Variants in SUSD4 observed in about 807,000 individuals in gnomAD.
SUSD4 encodes the protein sushi domain-containing protein 4.
In SUSD4, 41 loss-of-function variants were observed where a neutral mutation model predicts 50.5. That is an observed-to-expected ratio of 0.81 (90% CI 0.63 to 1.05). The LOEUF is 1.05. Among genes scored for constraint, SUSD4 ranks in the 50% least tolerant of loss-of-function variants. The probability of loss-of-function intolerance (pLI) is 0.00; values close to 1 mark genes in which losing one functional copy is unlikely to be tolerated. For synonymous variants in SUSD4, 257 were observed against 257.3 expected (o/e 1.00, Z 0.01); for missense variants, 580 against 634.7 (o/e 0.91, Z 0.93).
chr1:223,317,851 C>CTTTTTTTTTTT (rs1172641015), intron 2 of SUSD4, among the ~76,000 whole-genome samples: 14 of 100,746 alleles, frequency 1.4e-4, no homozygotes, highest in African/African-American at 1.9e-4. Context: ...TTTTTTTTTT[C>CTTTTTTTTTTT]TTTTTTTTTT....
rs1659870281 is a variant in SUSD4, at chr1:223,231,137, A to T, written c.725-1749T>A. Among the ~76,000 whole-genome samples the T allele has an allele frequency of 2.0e-5, 3 of 152,010 alleles. No individual in the cohort carries two copies. Among genetic ancestry groups the T allele is most frequent in the African/African-American group, 7.3e-5 (3 of 41,370 alleles). Reference sequence around the variant, plus strand: ...TGGAGGTCTATCCCGCGGGAACTGGAGCCCGGGGAAACTCAGACCCCGCTG... The same window carrying T: ...TGGAGGTCTATCCCGCGGGAACTGGTGCCCGGGGAAACTCAGACCCCGCTG... On this transcript the variant is annotated intron_variant, in intron 5 of 8. Coordinates refer to ENST00000366878, the MANE Select transcript of SUSD4 (RefSeq NM_017982.4). The surrounding 1 kb of genome is among the most constrained non-coding windows in gnomAD (Gnocchi z 4.2).
chr1:223,246,168 C>A (rs1221886835), intron 5 of SUSD4, among the ~76,000 whole-genome samples: 1 of 151,880 alleles, frequency 6.6e-6, no homozygotes, highest in Non-Finnish European at 1.5e-5. Flanking sequence ...CCTACAGGGA[C>A]GAAAAAGATG....
chr1:223,284,117 A>T (rs931797033), intron 3 of SUSD4, among the ~76,000 whole-genome samples: 2 of 151,834 alleles, frequency 1.3e-5, no homozygotes, highest in Non-Finnish European at 2.9e-5. Flanking sequence ...GCATTAGGAG[A>T]TATACCCGAT....
chr1:223,235,105 A>G, intron 5 of SUSD4: 1 of 1,594,596 alleles, frequency 6.3e-7, no homozygotes, highest in Non-Finnish European at 8.5e-7. Flanking sequence ...TTCCTCCTGA[A>G]AAAAAGAAGT....
At chr1:223,294,560 G>A (rs1042608521) in intron 2 of SUSD4, among the ~76,000 whole-genome samples, 4 of 152,212 alleles carry the variant, frequency 2.6e-5, no homozygotes, top group Non-Finnish European at 5.9e-5. Flanking sequence ...CATGGCACTG[G>A]CAGGATGTCC....
At chr1:223,302,469 C>A (rs1558231255) in intron 2 of SUSD4, among the ~76,000 whole-genome samples, 1 of 152,146 alleles carries the variant, frequency 6.6e-6, no homozygotes, top group Non-Finnish European at 1.5e-5. Flanking sequence ...CGTGCCCTTG[C>A]CACCAATGTC....
chr1:223,287,480 G>A (rs1210283654), intron 3 of SUSD4, among the ~76,000 whole-genome samples: 1 of 152,088 alleles, frequency 6.6e-6, no homozygotes, highest in Non-Finnish European at 1.5e-5. Context: ...GCCAACTACA[G>A]AGGAAGAATT....
chr1:223,248,790 C>T (rs948634623), intron 5 of SUSD4, among the ~76,000 whole-genome samples: 2 of 151,912 alleles, frequency 1.3e-5, no homozygotes, highest in African/African-American at 2.4e-5. Context: ...TGAGTCACTA[C>T]GTTAGGATGT....
chr1:223,271,141 T>G (rs1013151294), intron 3 of SUSD4, among the ~76,000 whole-genome samples: 1 of 152,228 alleles, frequency 6.6e-6, no homozygotes, highest in African/African-American at 2.4e-5. Context: ...ATTTACACAT[T>G]GAAACAACTA....
At chr1:223,334,511 G>A (rs1667349773) in intron 2 of SUSD4, among the ~76,000 whole-genome samples, 1 of 152,102 alleles carries the variant, frequency 6.6e-6, no homozygotes, top group African/African-American at 2.4e-5. Context: ...AATAAATGAA[G>A]AGACCCCATA....
At chr1:223,320,273 C>T (rs1666494196) in intron 2 of SUSD4, among the ~76,000 whole-genome samples, 1 of 152,212 alleles carries the variant, frequency 6.6e-6, no homozygotes, top group African/African-American at 2.4e-5. Flanking sequence ...AAAGAGACAG[C>T]AGTGCAGTAT....
chr1:223,298,254 C>A (rs1292643773), intron 2 of SUSD4, among the ~76,000 whole-genome samples: 1 of 152,122 alleles, frequency 6.6e-6, no homozygotes, highest in Non-Finnish European at 1.5e-5. Context: ...TCTCCACCCA[C>A]CAAACAGCAA....
At chr1:223,363,199 G>T in intron 2 of SUSD4, 79 bp downstream of exon 2, 1 of 1,402,040 alleles carries the variant, frequency 7.1e-7, no homozygotes. Context: ...GGGGAGGGGT[G>T]CAGGGCTGTC....
intron 3 of SUSD4, among the ~76,000 whole-genome samples, chr1:223,275,580 C>A (rs1437951621): frequency 6.6e-6 from 1 of 152,208 alleles, no homozygotes; most frequent in East Asian, 1.9e-4. Context: ...ACATGGTAAG[C>A]ATCTCAAGGA....
chr1:223,251,154 A>G (rs1374078286), intron 5 of SUSD4, among the ~76,000 whole-genome samples: 1 of 152,198 alleles, frequency 6.6e-6, no homozygotes, highest in Non-Finnish European at 1.5e-5. Flanking sequence ...GTATTGCTAT[A>G]ATAGAATATC....
At chr1:223,355,352 G>A (rs1668601332) in intron 2 of SUSD4, among the ~76,000 whole-genome samples, 3 of 151,862 alleles carry the variant, frequency 2.0e-5, no homozygotes, top group South Asian at 2.1e-4. Context: ...GGGATTACAG[G>A]CATGAGCCAC....
intron 3 of SUSD4, among the ~76,000 whole-genome samples, chr1:223,287,749 C>T (rs776026373): frequency 5.3e-5 from 8 of 151,986 alleles, no homozygotes; most frequent in Non-Finnish European, 1.0e-4. Context: ...ACCAAGTGAC[C>T]GATGCAACCA....
chr1:223,296,959 G>A (rs781344074), intron 2 of SUSD4, among the ~76,000 whole-genome samples: 3 of 152,150 alleles, frequency 2.0e-5, no homozygotes, highest in Non-Finnish European at 2.9e-5. Flanking sequence ...TGTCCTTATA[G>A]CAGTGTGAGA....
At chr1:223,290,046 G>A (rs1225325595) in intron 3 of SUSD4, among the ~76,000 whole-genome samples, 1 of 152,174 alleles carries the variant, frequency 6.6e-6, no homozygotes, top group African/African-American at 2.4e-5. Flanking sequence ...ATGAAATAGT[G>A]AATCTGAAAG....
Sources: allele counts gnomAD v4.1 joint callset (sites outside exome capture counted in the v4.1 genomes callset), GRCh38; gene constraint gnomAD v4.1.1; non-coding constraint Gnocchi (gnomAD v3.1); transcripts MANE v1.5; gene names NCBI Gene and HGNC (gene_info 2026-07-23, HGNC 2026-07-21).